Variants in DHRS7B observed in about 807,000 individuals in gnomAD.
DHRS7B encodes the protein dehydrogenase/reductase 7B.
Under a neutral mutation model 26.4 loss-of-function variants are expected in DHRS7B, and 24 were observed. The ratio of observed to expected loss-of-function variants is 0.91; its 90% confidence interval spans 0.66 to 1.28. DHRS7B has a LOEUF of 1.28. DHRS7B is among the 50% of genes most tolerant of loss of function. DHRS7B has a pLI of 0.00. For synonymous variants in DHRS7B, 142 were observed against 166.4 expected (o/e 0.85, Z 1.13); for missense variants, 368 against 419.4 (o/e 0.88, Z 1.07).
At chr17:21,157,030 A>C (rs1408257773) in intron 1 of DHRS7B, among the ~76,000 whole-genome samples, 1 of 152,092 alleles carries the variant, frequency 6.6e-6, no homozygotes, top group Admixed American at 6.6e-5. Context: ...AGAAATAGAC[A>C]CTCTGAATGG....
intron 2 of DHRS7B, among the ~76,000 whole-genome samples, chr17:21,173,202 A>G (rs930409420): frequency 2.0e-5 from 3 of 152,254 alleles, no homozygotes; most frequent in Admixed American, 6.5e-5. Flanking sequence ...ACTTATCTCA[A>G]TATATTGCCA....
chr17:21,189,064 T>C (rs918127836), intron 6 of DHRS7B, among the ~76,000 whole-genome samples: 1 of 152,208 alleles, frequency 6.6e-6, no homozygotes, highest in African/African-American at 2.4e-5. Context: ...ACCCTTAGTG[T>C]GAACGTCACC....
intron 1 of DHRS7B, among the ~76,000 whole-genome samples, chr17:21,129,719 A>AAAG (rs1555535569): frequency 1.1e-4 from 16 of 149,856 alleles, no homozygotes; most frequent in African/African-American, 2.3e-4. Context: ...AAAAAAAAAA[A>AAAG]AAAAAGAAAA....
At chr17:21,148,768 TACAC>T (rs1341988811) in intron 1 of DHRS7B, among the ~76,000 whole-genome samples, 1 of 150,050 alleles carries the variant, frequency 6.7e-6, no homozygotes, top group African/African-American at 2.5e-5. Context: ...AACCAGAAAA[TACAC>T]AGAGGTAAAA....
chr17:21,158,529 G>T (rs955351580), intron 1 of DHRS7B, among the ~76,000 whole-genome samples: 1 of 152,178 alleles, frequency 6.6e-6, no homozygotes, highest in Non-Finnish European at 1.5e-5. Context: ...TAATGAGGCA[G>T]ACTATAAAAC....
chr17:21,142,018 A>C (rs1291512864), intron 1 of DHRS7B, among the ~76,000 whole-genome samples: 4 of 152,184 alleles, frequency 2.6e-5, no homozygotes, highest in Non-Finnish European at 5.9e-5. Context: ...GCCAAGGTTG[A>C]GGTGTAGCAG....
At chr17:21,180,681 G>C (rs1005585801) in intron 3 of DHRS7B, among the ~76,000 whole-genome samples, 29 of 152,092 alleles carry the variant, frequency 1.9e-4, no homozygotes, top group African/African-American at 6.8e-4. Flanking sequence ...AGGGTAGGAA[G>C]GGGGAGGCAA....
At chr17:21,185,792 A>G (rs554554935) in intron 5 of DHRS7B, among the ~76,000 whole-genome samples, 13 of 151,786 alleles carry the variant, frequency 8.6e-5, no homozygotes, top group African/African-American at 3.1e-4. Flanking sequence ...GGTTCAAGCG[A>G]TTCTTCTGCC....
intron 1 of DHRS7B, among the ~76,000 whole-genome samples, chr17:21,157,320 T>C (rs1434274064): frequency 2.0e-5 from 3 of 152,174 alleles, no homozygotes; most frequent in Non-Finnish European, 4.4e-5. Context: ...CAAAAAATAT[T>C]AGCAAATTGA....
chr17:21,174,348 C>T (rs1333207429), intron 2 of DHRS7B, among the ~76,000 whole-genome samples: 2 of 152,242 alleles, frequency 1.3e-5, no homozygotes, highest in Non-Finnish European at 2.9e-5. Flanking sequence ...GGACCACTGA[C>T]TAAAGGAACA....
chr17:21,172,538 C>G (rs1348345501), intron 2 of DHRS7B: 1 of 381,622 alleles, frequency 2.6e-6, no homozygotes, highest in Non-Finnish European at 4.9e-6. Flanking sequence ...GTGAAATATC[C>G]CAATTTCCAA....
At chr17:21,132,336 TAA>T (rs56350315) in intron 1 of DHRS7B, among the ~76,000 whole-genome samples, 39,654 of 133,556 alleles carry the variant, frequency 0.3, 5,920 homozygotes, top group Non-Finnish European at 0.34. Context: ...CCCCATCTCT[TAA>T]AAAAAAAAAA....
At position 21,182,322 on chromosome 17, in the gene DHRS7B, C is replaced by T. The variant is rs562078578; in HGVS notation, c.310-1272C>T. Among the ~76,000 whole-genome samples, 319 of 151,892 alleles carry T rather than the reference C, an allele frequency of 2.1e-3. 3 individuals are homozygous for T. Among genetic ancestry groups the T allele is most frequent in the Non-Finnish European group, 3.9e-3 (263 of 67,946 alleles). On this transcript the variant is annotated intron_variant, in intron 3 of 6. Coordinates refer to ENST00000395511, the MANE Select transcript of DHRS7B (RefSeq NM_015510.5). ...GGAGTGCAATGGTGCGATCTCGGCT[C>T]ACCACAACCTCCGCCTCCCAGGTTC...
chr17:21,139,106 A>C (rs986965490), intron 1 of DHRS7B, among the ~76,000 whole-genome samples: 1 of 152,140 alleles, frequency 6.6e-6, no homozygotes, highest in Non-Finnish European at 1.5e-5. Flanking sequence ...CTTTGGGAGG[A>C]ACTTATAGTT....
At chr17:21,144,323 G>A (rs570513301) in intron 1 of DHRS7B, among the ~76,000 whole-genome samples, 1 of 152,244 alleles carries the variant, frequency 6.6e-6, no homozygotes, top group South Asian at 2.1e-4. Context: ...GCCCAAAGGG[G>A]ATAAGTTCCC....
In DHRS7B at chr17:21,183,912, T is replaced by C. The variant is rs1974571525; in HGVS notation, c.526+102T>C. 9 of 1,037,408 alleles carry C rather than the reference T, an allele frequency of 8.7e-6. No homozygotes were observed. In the South Asian group the frequency reaches 1.3e-4, roughly 15 times the overall value. The allele number at this position is 1,037,408 out of a possible 1,614,324, so 64.3% of individuals were successfully genotyped here. A position where few individuals can be genotyped will look rare whatever the true frequency, so the allele number is the denominator to read the frequency against. ...AAACGTTCCCCATCTCCATCCTCTCTGTTGCCCTGGAGTGGGTGTTAGGTG... is the reference window on the plus strand; with the variant it reads ...AAACGTTCCCCATCTCCATCCTCTCCGTTGCCCTGGAGTGGGTGTTAGGTG... On this transcript the variant is annotated intron_variant, in intron 4 of 6. Transcript: ENST00000395511.
intron 1 of DHRS7B, among the ~76,000 whole-genome samples, chr17:21,140,538 A>ACACACACACACACACACACACACAC (rs972677956): frequency 7.4e-6 from 1 of 134,754 alleles, no homozygotes; most frequent in Non-Finnish European, 1.6e-5. Flanking sequence ...ACACACACAC[A>ACACACACACACACACACACACACAC]CCCTGACACC....
At chr17:21,155,662 G>T (rs1050736202) in intron 1 of DHRS7B, among the ~76,000 whole-genome samples, 1 of 152,198 alleles carries the variant, frequency 6.6e-6, no homozygotes, top group Non-Finnish European at 1.5e-5. Context: ...TCCAACAACA[G>T]CAGATTATAC....
At chr17:21,145,326 A>G (rs955681245) in intron 1 of DHRS7B, among the ~76,000 whole-genome samples, 1 of 152,296 alleles carries the variant, frequency 6.6e-6, no homozygotes, top group Admixed American at 6.5e-5. Context: ...GCCGTCTAAA[A>G]AAAAAAAAGA....
Sources: allele counts gnomAD v4.1 joint callset (sites outside exome capture counted in the v4.1 genomes callset), GRCh38; gene constraint gnomAD v4.1.1; transcripts MANE v1.5; gene names NCBI Gene and HGNC (gene_info 2026-07-23, HGNC 2026-07-21).